EVI5: variants seen among roughly 807,000 people sequenced by gnomAD.
EVI5 encodes the protein ecotropic viral integration site 5 protein homolog.
A neutral mutation model predicts 112.0 loss-of-function variants in EVI5; 73 were observed. The observed-to-expected ratio is 0.65, with a 90% CI of 0.54 to 0.79. EVI5 has a LOEUF of 0.79. Among genes scored for constraint, EVI5 ranks in the 30% least tolerant of loss-of-function variants. EVI5 has a pLI of 0.00. For missense variants in EVI5, 900 were observed against 968.8 expected, an observed-to-expected ratio of 0.93 and a Z score of 0.94; for synonymous variants, 305 against 319.9, an observed-to-expected ratio of 0.95 and a Z score of 0.50.
In EVI5 at chr1:92,533,659, C is replaced by A. The variant is rs941942846; in HGVS notation, c.2167-19689G>T. On this transcript the variant is annotated intron_variant, in intron 19 of 19. Transcript: ENST00000684568. Reference sequence around the variant, plus strand: ...AAATCAATAAACGTAATCCATCACACAAGCAGAACCAATGACAAAAACCAC... The same window carrying A: ...AAATCAATAAACGTAATCCATCACAAAAGCAGAACCAATGACAAAAACCAC... 1.2e-4 allele frequency among the ~76,000 whole-genome samples: 19 copies of A among 152,090 alleles called. 1 individual carries two copies. The highest frequency in any genetic ancestry group is 4.6e-4 in the African/African-American group (19 of 41,430).
intron 1 of EVI5, among the ~76,000 whole-genome samples, chr1:92,745,331 T>C (rs1036332388): frequency 2.0e-5 from 3 of 152,210 alleles, no homozygotes; most frequent in African/African-American, 7.2e-5. Flanking sequence ...CTCTGTGTCA[T>C]GTTTCTCTTC....
At chr1:92,757,056 T>C (rs1185662591) in intron 1 of EVI5, 1 of 192,744 alleles carries the variant, frequency 5.2e-6, no homozygotes, top group Non-Finnish European at 1.1e-5. Flanking sequence ...GAGATCCAAA[T>C]GACATCAGAA....
intron 1 of EVI5, among the ~76,000 whole-genome samples, chr1:92,770,217 G>A (rs945010530): frequency 3.9e-5 from 6 of 152,188 alleles, no homozygotes; most frequent in Non-Finnish European, 8.8e-5. Context: ...TTTGTTTTAA[G>A]TCACTAAGTT....
chr1:92,769,319 T>C (rs1410189112), intron 1 of EVI5, among the ~76,000 whole-genome samples: 5 of 152,256 alleles, frequency 3.3e-5, no homozygotes, highest in Admixed American at 2.6e-4. Flanking sequence ...TCTTTTCTAA[T>C]AATACATATG....
intron 1 of EVI5, among the ~76,000 whole-genome samples, chr1:92,780,028 T>C (rs1684662117): frequency 6.6e-6 from 1 of 152,200 alleles, no homozygotes; most frequent in Non-Finnish European, 1.5e-5. Flanking sequence ...TCACCTTAAA[T>C]TGTTAATAAT....
chr1:92,543,153 T>C (rs1665109424), intron 19 of EVI5, among the ~76,000 whole-genome samples: 2 of 152,224 alleles, frequency 1.3e-5, no homozygotes, highest in South Asian at 4.1e-4. Context: ...TCCTCCGGTA[T>C]AAGACTGTTG....
intron 2 of EVI5, among the ~76,000 whole-genome samples, chr1:92,730,933 T>C (rs1012244685): frequency 6.6e-6 from 1 of 152,062 alleles, no homozygotes; most frequent in Non-Finnish European, 1.5e-5. Flanking sequence ...CTCATCTACA[T>C]AGCAAATCTA....
At chr1:92,646,935 TTA>T (rs1322384967) in intron 13 of EVI5, 1 of 214,720 alleles carries the variant, frequency 4.7e-6, no homozygotes, top group Non-Finnish European at 9.9e-6. Flanking sequence ...AATTCTGTAA[TTA>T]AACCTAATGA....
chr1:92,738,395 A>C (rs1677797052), intron 1 of EVI5, among the ~76,000 whole-genome samples: 1 of 152,210 alleles, frequency 6.6e-6, no homozygotes, highest in African/African-American at 2.4e-5. Context: ...AAATTTATAA[A>C]AAAATGGTAC....
intron 13 of EVI5, among the ~76,000 whole-genome samples, chr1:92,661,018 AAC>A (rs142667143): frequency 6.6e-6 from 1 of 151,240 alleles, no homozygotes. Flanking sequence ...TTTGGGAAAA[AAC>A]ACACACACAC....
chr1:92,677,770 A>G lies in EVI5; in HGVS notation c.1098-552T>C, dbSNP rs1272734963. ...AAAATTAGTGGGTGAAAGTTTAAGC[A>G]TAGTCTCAAATTATCTCTCCTAAAA... On this transcript the variant is annotated intron_variant, in intron 9 of 19. Coordinates refer to ENST00000684568, the MANE Select transcript of EVI5 (RefSeq NM_001350197.2). Among the ~76,000 whole-genome samples, 4 of 152,230 alleles carry G rather than the reference A, an allele frequency of 2.6e-5. No individual in the cohort carries two copies. In the East Asian group the frequency reaches 7.7e-4, roughly 29 times the overall value.
At chr1:92,541,466 A>G (rs1033541015) in intron 19 of EVI5, among the ~76,000 whole-genome samples, 2 of 152,194 alleles carry the variant, frequency 1.3e-5, no homozygotes, top group Non-Finnish European at 2.9e-5. Context: ...TAAATAATAA[A>G]TGTTAGTAAG....
chr1:92,719,414 T>G (rs1187009974), intron 2 of EVI5, among the ~76,000 whole-genome samples: 1 of 151,852 alleles, frequency 6.6e-6, no homozygotes, highest in Non-Finnish European at 1.5e-5. Flanking sequence ...ATAAACGTAA[T>G]CCATCACATA....
chr1:92,730,236 C>T (rs997586462), intron 2 of EVI5, among the ~76,000 whole-genome samples: 4 of 151,686 alleles, frequency 2.6e-5, no homozygotes, highest in Admixed American at 6.6e-5. Context: ...CATGATGGCA[C>T]GTGCCTGTAA....
chr1:92,706,848 C>T (rs1672046418), intron 2 of EVI5, among the ~76,000 whole-genome samples: 1 of 152,096 alleles, frequency 6.6e-6, no homozygotes, highest in Non-Finnish European at 1.5e-5. Flanking sequence ...ATAGATAAGC[C>T]TAAATATAAC....
chr1:92,546,862 C>T (rs1665800960), intron 19 of EVI5, among the ~76,000 whole-genome samples: 1 of 152,110 alleles, frequency 6.6e-6, no homozygotes, highest in African/African-American at 2.4e-5. Flanking sequence ...TCCTTAGAGA[C>T]CTACAAAGAG....
chr1:92,559,022 T>C (rs1262901733), intron 19 of EVI5, among the ~76,000 whole-genome samples: 1 of 152,154 alleles, frequency 6.6e-6, no homozygotes, highest in Non-Finnish European at 1.5e-5. Flanking sequence ...CCAAGGATAC[T>C]AAAACCCATG....
At chr1:92,760,028 C>T (rs574165912) in intron 1 of EVI5, among the ~76,000 whole-genome samples, 4 of 152,194 alleles carry the variant, frequency 2.6e-5, no homozygotes, top group South Asian at 2.1e-4. Context: ...ACAGAAGTAA[C>T]AGAAACTGCC....
At chr1:92,579,971 C>T (rs1023342834) in intron 18 of EVI5, among the ~76,000 whole-genome samples, 1 of 152,114 alleles carries the variant, frequency 6.6e-6, no homozygotes, top group South Asian at 2.1e-4. Context: ...AACAATGACT[C>T]AGGGAGAAGG....
Sources: gnomAD v4.1 joint callset for allele counts (sites outside exome capture counted in the v4.1 genomes callset) on GRCh38, gnomAD v4.1.1 for gene constraint, MANE v1.5 for transcripts, NCBI Gene and HGNC (gene_info 2026-07-23, HGNC 2026-07-21) for gene names.